The following TRAF2 variants were observed in gnomAD, a reference collection of about 807,000 sequenced individuals.
TRAF2 encodes the protein TNF receptor associated factor 2.
A neutral mutation model predicts 55.6 loss-of-function variants in TRAF2; 6 were observed. The observed-to-expected ratio is 0.11, with a 90% CI of 0.06 to 0.21. The LOEUF is 0.21. TRAF2 is among the 10% of genes least tolerant of loss of function. The pLI is 1.00. For synonymous variants in TRAF2, 329 were observed against 276.3 expected (o/e 1.19, Z -1.89); for missense variants, 561 against 684.5 (o/e 0.82, Z 2.01).
intron 4 of TRAF2, among the ~76,000 whole-genome samples, chr9:136,904,843 C>T (rs1239375757): frequency 1.3e-5 from 2 of 151,686 alleles, no homozygotes; most frequent in Non-Finnish European, 2.9e-5. Context: ...CTAGTGTGGC[C>T]GAGGGCTGGG....
intron 9 of TRAF2, among the ~76,000 whole-genome samples, chr9:136,923,225 T>TGCCGAGG (rs1478213185): frequency 6.6e-6 from 1 of 152,188 alleles, no homozygotes; most frequent in Non-Finnish European, 1.5e-5. Flanking sequence ...TCTGTGGCTC[T>TGCCGAGG]GCCGAGGTCC....
chr9:136,918,538 C>T (rs1850301462), intron 7 of TRAF2, among the ~76,000 whole-genome samples: 1 of 151,996 alleles, frequency 6.6e-6, no homozygotes, highest in Non-Finnish European at 1.5e-5. Context: ...GATCCTCCTG[C>T]CTCAGCCTCC....
At position 136,926,214 on chromosome 9, in the gene TRAF2, C is replaced by T. The variant is rs569972394; in HGVS notation, c.*313C>T. The T allele has an allele frequency of 2.0e-6, 1 of 489,680 alleles. No homozygotes were observed. The highest frequency in any genetic ancestry group is 1.9e-5 in the African/African-American group (1 of 51,796). 30.3% of individuals were successfully genotyped at this position (489,680 alleles called of 1,614,324 possible). A position where few individuals can be genotyped will look rare whatever the true frequency, so the allele number is the denominator to read the frequency against. On this transcript the variant is annotated 3_prime_UTR_variant, in exon 11 of 11. Coordinates refer to ENST00000247668, the MANE Select transcript of TRAF2 (RefSeq NM_021138.4). The stretch of plus-strand genomic sequence containing the variant: ...GTCCTGTGCAGTGAAGGGAGAGGCC[C>T]TGGGTGGGGGACACTCAGAGTGGGA...
chr9:136,882,305 G>C (rs1849384205), upstream of TRAF2, among the ~76,000 whole-genome samples: 1 of 152,248 alleles, frequency 6.6e-6, no homozygotes, highest in African/African-American at 2.4e-5. Context: ...GCTGGGCACA[G>C]GGCAGATGCC....
chr9:136,916,378 CG>C (rs1363833262), intron 6 of TRAF2, among the ~76,000 whole-genome samples, 162 bp from the exon 7 acceptor site: 1 of 152,048 alleles, frequency 6.6e-6, no homozygotes, highest in African/African-American at 2.4e-5. Flanking sequence ...GGTGTGTGAG[CG>C]TGTCGCTTTG....
At chr9:136,892,557 T>G (rs1256048308) in intron 1 of TRAF2, among the ~76,000 whole-genome samples, 1 of 152,222 alleles carries the variant, frequency 6.6e-6, no homozygotes, top group South Asian at 2.1e-4. Context: ...GAAGCCACTT[T>G]GTTCTAAAAC....
At chr9:136,909,296 C>T (rs1208116228) in intron 5 of TRAF2, among the ~76,000 whole-genome samples, 1 of 152,192 alleles carries the variant, frequency 6.6e-6, no homozygotes, top group Non-Finnish European at 1.5e-5. Flanking sequence ...TGTCTGCGTC[C>T]CTGTTGTCTG....
intron 9 of TRAF2, 110 bp downstream of exon 9, chr9:136,921,325 A>AC (rs747359021): frequency 2.0e-4 from 274 of 1,356,544 alleles, no homozygotes; most frequent in Non-Finnish European, 2.6e-4. Flanking sequence ...CTGGGATACG[A>AC]CCCCCAGTGA....
upstream of TRAF2, chr9:136,882,648 T>C: frequency 3.0e-6 from 3 of 985,684 alleles, no homozygotes; most frequent in Non-Finnish European, 3.6e-6. Context: ...GTGGCTGACT[T>C]TTGCTTTCTT....
At chr9:136,914,155 A>G (rs1273774645) in intron 6 of TRAF2, among the ~76,000 whole-genome samples, 1 of 152,070 alleles carries the variant, frequency 6.6e-6, no homozygotes. Context: ...CAGGAACCCT[A>G]GGGCACCCTT....
chr9:136,904,109 T>C lies in TRAF2; in HGVS notation c.366+3589T>C, dbSNP rs17243914. On this transcript the variant is annotated intron_variant, in intron 4 of 10. Transcript: ENST00000247668. ...CAGCACCTGCCAGCCTTCGCCAGCC[T>C]ACTTTCAGCCCTTCAACCCCCCACA... Among the ~76,000 whole-genome samples, 1,303 of 152,336 alleles carry C rather than the reference T, an allele frequency of 8.6e-3. 25 individuals are homozygous for C. The highest frequency in any genetic ancestry group is 0.03 in the African/African-American group (1,238 of 41,584).
intron 5 of TRAF2, 54 bp downstream of exon 5, chr9:136,908,285 G>T: frequency 1.3e-6 from 2 of 1,492,230 alleles, no homozygotes; most frequent in Non-Finnish European, 8.9e-7. Flanking sequence ...GGGCTGAGCT[G>T]GGGAGCTGCG....
intron 4 of TRAF2, among the ~76,000 whole-genome samples, chr9:136,906,775 TG>T (rs1849963064): frequency 6.6e-6 from 1 of 152,246 alleles, no homozygotes; most frequent in African/African-American, 2.4e-5. Context: ...TCTGTGTTCC[TG>T]TAAGCGGCAC....
chr9:136,918,245 A>ATC, intron 7 of TRAF2, among the ~76,000 whole-genome samples: 1 of 45,778 alleles, frequency 2.2e-5, no homozygotes, highest in African/African-American at 1.6e-4. Flanking sequence ...ATATATATAT[A>ATC]TATATATATA....
At chr9:136,884,420 C>T (rs1325128814), upstream of TRAF2, among the ~76,000 whole-genome samples, 2 of 151,962 alleles carry the variant, frequency 1.3e-5, no homozygotes, top group Non-Finnish European at 2.9e-5. Flanking sequence ...ATTAGCCGGG[C>T]GTAGCGGTGT....
chr9:136,886,971 G>A (rs1178987015), intron 1 of TRAF2, among the ~76,000 whole-genome samples: 1 of 152,190 alleles, frequency 6.6e-6, no homozygotes, highest in Non-Finnish European at 1.5e-5. Flanking sequence ...CGCACCCTCA[G>A]CCGGCTGCGT....
At chr9:136,898,638 G>C in intron 1 of TRAF2, 75 bp from the exon 2 acceptor site, 1 of 1,571,282 alleles carries the variant, frequency 6.4e-7, no homozygotes, top group Non-Finnish European at 8.6e-7. Context: ...GCCTGCTACT[G>C]ATCACCATTG....
intron 1 of TRAF2, among the ~76,000 whole-genome samples, chr9:136,887,379 A>G (rs993855971): frequency 8.5e-5 from 13 of 152,326 alleles, no homozygotes; most frequent in African/African-American, 3.1e-4. Context: ...GGAGGCGGCC[A>G]GATGGGCAGC....
chr9:136,901,757 C>G (rs1849824942), intron 4 of TRAF2, among the ~76,000 whole-genome samples: 1 of 152,178 alleles, frequency 6.6e-6, no homozygotes, highest in Non-Finnish European at 1.5e-5. Flanking sequence ...GAGCTGGGAT[C>G]TCCTGCTCAG....
Sources: gnomAD v4.1 joint callset for allele counts (sites outside exome capture counted in the v4.1 genomes callset) on GRCh38, gnomAD v4.1.1 for gene constraint, MANE v1.5 for transcripts, NCBI Gene and HGNC (gene_info 2026-07-23, HGNC 2026-07-21) for gene names.